PKN3: variants seen among roughly 807,000 people sequenced by gnomAD.
PKN3 encodes serine/threonine-protein kinase N3.
A neutral mutation model predicts 113.1 loss-of-function variants in PKN3; 91 were observed. That is an observed-to-expected ratio of 0.80 (90% CI 0.68 to 0.96). The LOEUF (loss-of-function observed/expected upper bound fraction) is 0.96. Among genes scored for constraint, PKN3 ranks in the 40% least tolerant of loss-of-function variants. The pLI, the probability that PKN3 is intolerant of heterozygous loss-of-function variation, is 0.00. For synonymous variants in PKN3, 467 were observed against 499.0 expected, an observed-to-expected ratio of 0.94 and a Z score of 0.85; for missense variants, 1,052 against 1,202.2, an observed-to-expected ratio of 0.88 and a Z score of 1.85.
In PKN3 at chr9:128,707,374, AGG is replaced by A. The variant is rs766665125; in HGVS notation, c.806_807del (p.Gly269AspfsTer20). 1 of 1,612,488 alleles carries A rather than the reference AGG, an allele frequency of 6.2e-7. No homozygotes were observed. The highest frequency in any genetic ancestry group is 8.5e-7 in the Non-Finnish European group (1 of 1,179,310). ...CGGTGCCTGGATACCCCCAGCCTTCAGGGACACCTGTGAAGCCCACCGCCCTA... is the reference window on the plus strand; with the variant it reads ...CGGTGCCTGGATACCCCCAGCCTTCAGACACCTGTGAAGCCCACCGCCCTA... Reference protein sequence around the residue: ...AAVPGYPQPSGTPVKPTALTG... With the variant: ...AAVPGYPQPSXTPVKPTALTG... On this transcript the variant is annotated frameshift_variant, in exon 6 of 22. Coordinates refer to ENST00000291906, the MANE Select transcript of PKN3 (RefSeq NM_013355.5). LOFTEE classifies it high-confidence loss of function.
At chr9:128,719,489 G>A (rs1200408846) in intron 18 of PKN3, among the ~76,000 whole-genome samples, 197 bp from the exon 19 acceptor site, 2 of 152,064 alleles carry the variant, frequency 1.3e-5, no homozygotes, top group South Asian at 2.1e-4. Flanking sequence ...GCACCCAGCC[G>A]AGTTCTGCCT....
rs372918785 is a variant in PKN3, at chr9:128,719,756, C to G, written c.2196C>G (p.Thr732=). The G allele has an allele frequency of 1.2e-6, 2 of 1,605,026 alleles. No homozygotes were observed. Among genetic ancestry groups the G allele is most frequent in the African/African-American group, 2.7e-5 (2 of 74,740 alleles). Reference sequence around the variant, plus strand: ...AGTTCCTGGCTCCCGAGGTGCTGACCCAGGAGGCATACACACGGGCTGTGG... The same window carrying G: ...AGTTCCTGGCTCCCGAGGTGCTGACGCAGGAGGCATACACACGGGCTGTGG... ...TPEFLAPEVL[T]QEAYTRAVDW... is the part of the protein sequence containing the mutation. The change falls in exon 19 of 22, where the codon ACC becomes ACG. Residue 732 remains threonine, a synonymous_variant. Coordinates refer to ENST00000291906, the MANE Select transcript of PKN3 (RefSeq NM_013355.5).
In PKN3 at chr9:128,720,679, T is replaced by G; in HGVS notation, c.*73T>G. On this transcript the variant is annotated 3_prime_UTR_variant, in exon 22 of 22. Transcript: ENST00000291906. This position sits in a 1 kb window ranked among gnomAD's most constrained non-coding sequence, Gnocchi z 5.5. Reference sequence around the variant, plus strand: ...CCTCTGCTCGTTCACCCGTGCGCCCTGCCTGGAGGTCCAGGCCTTGCTGGG... The same window carrying G: ...CCTCTGCTCGTTCACCCGTGCGCCCGGCCTGGAGGTCCAGGCCTTGCTGGG... 1 of 1,318,918 alleles carries G rather than the reference T, an allele frequency of 7.6e-7. No homozygotes were observed. Among genetic ancestry groups the G allele is most frequent in the Non-Finnish European group, 1.1e-6 (1 of 943,420 alleles). The allele number at this position is 1,318,918 out of a possible 1,614,324, so 81.7% of individuals were successfully genotyped here.
intron 1 of PKN3, among the ~76,000 whole-genome samples, chr9:128,704,916 CAA>C (rs560127150): frequency 1.2e-4 from 10 of 83,738 alleles, no homozygotes; most frequent in Admixed American, 2.6e-4. Flanking sequence ...AAAACTGTCT[CAA>C]AAAAAAAAAA....
chr9:128,708,275 G>A (rs1253996940), intron 6 of PKN3, among the ~76,000 whole-genome samples: 3 of 151,806 alleles, frequency 2.0e-5, no homozygotes, highest in Non-Finnish European at 2.9e-5. Context: ...CCAGCCACTC[G>A]GGAGGCTAAG....
intron 15 of PKN3, among the ~76,000 whole-genome samples, chr9:128,716,521 C>T (rs575576326): frequency 3.1e-4 from 47 of 151,902 alleles, no homozygotes; most frequent in African/African-American, 8.5e-4. Context: ...TCTCTTGAAC[C>T]CGGGAGGCAG....
Position 128,716,078 on chromosome 9 carries a change from G to A in PKN3, c.1808+618G>A, listed in dbSNP as rs1287526770. Among the ~76,000 whole-genome samples the A allele has an allele frequency of 2.6e-5, 4 of 151,766 alleles. No homozygotes were observed. In the South Asian group the frequency reaches 6.3e-4, roughly 24 times the overall value. ...TCCCAGCACTTCAGGAGGCCAAGGT[G>A]GGAGGATTGCTTGAGCCCAGGAGTT... On this transcript the variant is annotated intron_variant, in intron 15 of 21. Coordinates refer to ENST00000291906, the MANE Select transcript of PKN3 (RefSeq NM_013355.5).
chr9:128,713,705 T>C (rs1862250800), intron 9 of PKN3, 63 bp downstream of exon 9: 1 of 1,524,086 alleles, frequency 6.6e-7, no homozygotes, highest in African/African-American at 1.4e-5. Context: ...AGGAAGGCCT[T>C]CAAGACCGAT....
At chr9:128,716,134 C>T (rs543865919) in intron 15 of PKN3, among the ~76,000 whole-genome samples, 10 of 151,768 alleles carry the variant, frequency 6.6e-5, no homozygotes, top group East Asian at 3.9e-4. Flanking sequence ...TGGTGAAACC[C>T]GCCTCTACAA....
intron 17 of PKN3, 27 bp downstream of exon 17, chr9:128,718,414 G>T: frequency 7.5e-6 from 12 of 1,592,984 alleles, no homozygotes; most frequent in Non-Finnish European, 8.6e-6. Flanking sequence ...GGATGCACGG[G>T]GGTAGGGGTG....
Position 128,714,032 on chromosome 9 carries a change from C to T in PKN3, c.1237-14C>T. 6.2e-7 allele frequency: 1 copy of T among 1,613,858 alleles called. No homozygotes were observed. The highest frequency in any genetic ancestry group is 2.2e-5 in the East Asian group (1 of 44,892). On this transcript the variant is annotated splice_polypyrimidine_tract_variant and intron_variant, in intron 9 of 21. Transcript: ENST00000291906. ...GGAGGCGACTGGTCCACAACCCTGC[C>T]CCTACCCCTGCAGGTGACCTTCTGC...
chr9:128,718,284 G>A, intron 16 of PKN3, 41 bp from the exon 17 acceptor site: 1 of 1,560,894 alleles, frequency 6.4e-7, no homozygotes, highest in Non-Finnish European at 8.8e-7. Context: ...CCTCCCTGGT[G>A]TGTGTCTTGG....
At position 128,706,961 on chromosome 9, in the gene PKN3, G is replaced by T; in HGVS notation, c.589G>T (p.Ala197Ser). Residue 197 changes from alanine to serine, a missense_variant, in exon 5 of 22, where the codon GCC becomes TCC. Physicochemically the swap from Ala to Ser is moderately conservative, Grantham distance 99 (BLOSUM62 1). Transcript: ENST00000291906. ...CGTTGAGGCAGCTGTGGCTGAGGGCGCCAAGAACGTGGTGAAACTGCTTAG... is the reference window on the plus strand; with the variant it reads ...CGTTGAGGCAGCTGTGGCTGAGGGCTCCAAGAACGTGGTGAAACTGCTTAG... ...LHVEAAVAEG[A>S]KNVVKLLSSR... 2 of 1,614,194 alleles carry T rather than the reference G, an allele frequency of 1.2e-6. No homozygotes were observed. The highest frequency in any genetic ancestry group is 8.5e-7 in the Non-Finnish European group (1 of 1,180,022).
intron 1 of PKN3, chr9:128,703,720 G>C (rs1332864738): frequency 1.0e-6 from 1 of 985,326 alleles, no homozygotes; most frequent in East Asian, 1.1e-4. Context: ...GACCATGGGG[G>C]TGTTGCGGGG....
intron 1 of PKN3, chr9:128,704,073 T>A: frequency 1.0e-6 from 1 of 985,088 alleles, no homozygotes; most frequent in Non-Finnish European, 1.2e-6. Flanking sequence ...GGGGGGTCCC[T>A]GAGTCTGGGG....
chr9:128,714,437 C>T (rs1469697767), intron 11 of PKN3, 72 bp downstream of exon 11: 4 of 1,306,914 alleles, frequency 3.1e-6, no homozygotes, highest in Non-Finnish European at 3.3e-6. Flanking sequence ...CAGGCGGTAT[C>T]TGTCTGTCTG....
chr9:128,720,086 C>G lies in PKN3; in HGVS notation c.2376+69C>G. 6.5e-7 allele frequency: 1 copy of G among 1,538,128 alleles called. No individual in the cohort carries two copies. The highest frequency in any genetic ancestry group is 9.0e-7 in the Non-Finnish European group (1 of 1,112,556). On this transcript the variant is annotated intron_variant, in intron 20 of 21. Transcript: ENST00000291906. This position sits in a 1 kb window ranked among gnomAD's most constrained non-coding sequence, Gnocchi z 5.5. ...GGCCCATGTGCCCTCTGCCGTGGGA[C>G]AGCAGACCCCCTGCCACCCATCCTT...
At chr9:128,707,464 C>A in intron 6 of PKN3, 59 bp downstream of exon 6, 1 of 1,410,446 alleles carries the variant, frequency 7.1e-7, no homozygotes. Flanking sequence ...AGGCCGGAAG[C>A]ACAAACAACT....
In PKN3 at chr9:128,713,057, C is replaced by T; in HGVS notation, c.841C>T (p.Leu281=). 6.2e-7 allele frequency: 1 copy of T among 1,605,720 alleles called. No homozygotes were observed. Among genetic ancestry groups the T allele is most frequent in the South Asian group, 1.1e-5 (1 of 90,620 alleles). ...CCCGCTCACTCTCCCCACAGGGACA[C>T]TGCAGGTCCGCCTCCTGGGCTGTGA... ...PVKPTALTGT[L]QVRLLGCEQL... The change falls in exon 7 of 22, where the codon CTG becomes TTG. Residue 281 remains leucine (L), a synonymous_variant. Transcript: ENST00000291906.
Sources: allele counts gnomAD v4.1 joint callset (sites outside exome capture counted in the v4.1 genomes callset), GRCh38; gene constraint gnomAD v4.1.1; non-coding constraint Gnocchi (gnomAD v3.1); transcripts MANE v1.5; gene names NCBI Gene and HGNC (gene_info 2026-07-23, HGNC 2026-07-21).